ANK2: variants seen among roughly 807,000 people sequenced by gnomAD.
ANK2 encodes ankyrin 2.
In ANK2, 83 loss-of-function variants were observed where a neutral mutation model predicts 360.5. The ratio of observed to expected loss-of-function variants is 0.23; its 90% CI spans 0.19 to 0.28. The LOEUF is 0.28. ANK2 is among the 10% of genes least tolerant of loss of function. ANK2 has a pLI of 1.00. For missense variants in ANK2, 4,201 were observed against 4,795.7 expected (o/e 0.88, Z 3.66); for synonymous variants, 1,740 against 1,759.5 (o/e 0.99, Z 0.28).
chr4:113,378,065 G>GTCTTT, intron 45 of ANK2: 3 of 1,150,036 alleles, frequency 2.6e-6, no homozygotes, highest in Non-Finnish European at 3.5e-6. Context: ...GATGAGCTTT[G>GTCTTT]TCTTTTCTTT....
At chr4:112,749,966 G>T in the ANK2 span, among the ~76,000 whole-genome samples, 1 of 152,078 alleles carries the variant, frequency 6.6e-6, no homozygotes, top group African/African-American at 2.4e-5. Flanking sequence ...GGCTGGTCTC[G>T]ATCTCCTGAC....
chr4:113,248,725 C>T (rs947780703), intron 9 of ANK2, among the ~76,000 whole-genome samples: 1 of 152,150 alleles, frequency 6.6e-6, no homozygotes, highest in Non-Finnish European at 1.5e-5. Context: ...GAGACACAAA[C>T]GAGAGGCCAT....
intron 1 of ANK2, among the ~76,000 whole-genome samples, chr4:113,123,801 C>G (rs149514975): frequency 8.5e-5 from 13 of 152,204 alleles, no homozygotes; most frequent in South Asian, 2.1e-4. Flanking sequence ...TCCATTCCCC[C>G]ACCAACCCCT....
chr4:112,829,167 A>G (rs959809183), intron 1 of ANK2, among the ~76,000 whole-genome samples: 1 of 151,950 alleles, frequency 6.6e-6, no homozygotes, highest in Admixed American at 6.6e-5. Flanking sequence ...ATATAAATGA[A>G]TGAGTGAATG....
intron 2 of ANK2, chr4:112,980,386 T>C (rs1324486902): frequency 6.5e-6 from 1 of 152,744 alleles, no homozygotes; most frequent in Non-Finnish European, 1.5e-5. Flanking sequence ...GGGCTCCTGA[T>C]GCAAACTCGG....
chr4:113,023,454 G>A (rs763095691), intron 2 of ANK2, among the ~76,000 whole-genome samples: 6 of 152,074 alleles, frequency 3.9e-5, no homozygotes, highest in Admixed American at 2.0e-4. Flanking sequence ...TGGGTCCTTG[G>A]TGCAGAGAGG....
chr4:112,792,094 T>A, the ANK2 span, among the ~76,000 whole-genome samples: 1 of 136,870 alleles, frequency 7.3e-6, no homozygotes. Flanking sequence ...CAGGCTGGAG[T>A]GCAATGGTGC....
intron 23 of ANK2, 31 bp downstream of exon 23, chr4:113,302,870 C>T: frequency 1.3e-6 from 2 of 1,565,838 alleles, no homozygotes. Context: ...TCTATGACAC[C>T]TGTCATGTTC....
At chr4:113,301,410 C>CTT (rs2074935033) in intron 22 of ANK2, among the ~76,000 whole-genome samples, 1 of 135,978 alleles carries the variant, frequency 7.4e-6, no homozygotes, top group Non-Finnish European at 1.6e-5. Context: ...CACACACACA[C>CTT]ACATTGTGAA....
chr4:113,178,654 T>C (rs2098310887), intron 2 of ANK2, among the ~76,000 whole-genome samples: 1 of 152,018 alleles, frequency 6.6e-6, no homozygotes, highest in South Asian at 2.1e-4. Flanking sequence ...CAAGACAGTA[T>C]ATTAATTAAA....
chr4:113,196,475 T>C lies in ANK2; in HGVS notation c.285+9T>C. ...TGGATTCTGCCACTAAGGTAACATT[T>C]ATGTTGGTAGAACATTTTTTTCCTT... is the stretch of plus-strand genomic sequence containing the variant. On this transcript the variant is annotated intron_variant, in intron 3 of 45. Transcript: ENST00000357077. 6.2e-7 allele frequency: 1 copy of C among 1,605,738 alleles called. No individual in the cohort carries two copies. The highest frequency in any genetic ancestry group is 8.5e-7 in the Non-Finnish European group (1 of 1,173,720).
chr4:112,742,506 T>C, the ANK2 span, among the ~76,000 whole-genome samples: 1 of 152,090 alleles, frequency 6.6e-6, no homozygotes, highest in Non-Finnish European at 1.5e-5. Flanking sequence ...GGGCCTTGTT[T>C]GCCTTGATAA....
intron 1 of ANK2, among the ~76,000 whole-genome samples, chr4:112,843,656 T>C (rs1054628353): frequency 6.6e-6 from 1 of 152,176 alleles, no homozygotes; most frequent in Non-Finnish European, 1.5e-5. Context: ...ATGAATGAAT[T>C]TCCCAAAAAA....
chr4:113,245,882 G>A (rs186119265), intron 9 of ANK2, among the ~76,000 whole-genome samples: 367 of 151,546 alleles, frequency 2.4e-3, no homozygotes, highest in African/African-American at 8.4e-3. Flanking sequence ...TCGGCTCACC[G>A]CAACCCCCAC....
chr4:112,828,649 A>G (rs554934494), intron 1 of ANK2, among the ~76,000 whole-genome samples: 34 of 152,240 alleles, frequency 2.2e-4, no homozygotes, highest in Admixed American at 3.9e-4. Flanking sequence ...TCCAAAAGCA[A>G]TTGCAACAAA....
intron 2 of ANK2, among the ~76,000 whole-genome samples, chr4:113,032,467 A>C (rs2060620734): frequency 6.6e-6 from 1 of 151,986 alleles, no homozygotes; most frequent in Non-Finnish European, 1.5e-5. Context: ...AACTGTTATT[A>C]CAGGGGGATT....
chr4:112,895,387 G>A (rs968073905), intron 1 of ANK2, among the ~76,000 whole-genome samples: 2 of 152,018 alleles, frequency 1.3e-5, no homozygotes, highest in Non-Finnish European at 2.9e-5. Context: ...CAATTTAAAA[G>A]AAAAAATAAT....
the ANK2 span, among the ~76,000 whole-genome samples, chr4:112,729,136 C>T: frequency 4.6e-5 from 7 of 151,954 alleles, no homozygotes; most frequent in Non-Finnish European, 8.8e-5. Flanking sequence ...ATGCCAAGGC[C>T]GCAGTGAGGC....
chr4:112,719,013 A>G, the ANK2 span, among the ~76,000 whole-genome samples: 1 of 152,212 alleles, frequency 6.6e-6, no homozygotes, highest in Non-Finnish European at 1.5e-5. Flanking sequence ...TCTCATTAGG[A>G]CTATAGATTA....
Sources: allele counts gnomAD v4.1 joint callset (sites outside exome capture counted in the v4.1 genomes callset), GRCh38; gene constraint gnomAD v4.1.1; transcripts MANE v1.5; gene names NCBI Gene and HGNC (gene_info 2026-07-23, HGNC 2026-07-21).